ABCF2: variants seen among roughly 807,000 people sequenced by gnomAD.
ABCF2 encodes the protein ATP-binding cassette sub-family F member 2.
A neutral mutation model predicts 76.9 loss-of-function variants in ABCF2; 37 were observed. The observed-to-expected ratio is 0.48, with a 90% CI of 0.37 to 0.63. The LOEUF (loss-of-function observed/expected upper bound fraction) is 0.63, where lower values mean the gene tolerates loss of function less well. Ranked by LOEUF, ABCF2 falls within the 30% of genes least tolerant of loss-of-function variation. The pLI is 0.00. For synonymous variants in ABCF2, 299 were observed against 283.7 expected (o/e 1.05, Z -0.54); for missense variants, 524 against 782.1 (o/e 0.67, Z 3.94).
chr7:151,220,367 G>A (rs1387462169), intron 7 of ABCF2, among the ~76,000 whole-genome samples: 3 of 132,582 alleles, frequency 2.3e-5, no homozygotes, highest in Admixed American at 8.6e-5. Flanking sequence ...CCAGCCTGGC[G>A]ACGGAGCAAG....
chr7:151,226,439 T>C lies in ABCF2; in HGVS notation c.20A>G (p.Lys7Arg). The change falls in exon 2 of 15, where the codon AAG becomes AGG. Residue 7 changes from lysine to arginine, a missense_variant. Physicochemically the swap from Lys to Arg is conservative, Grantham distance 26. Around this residue, in one of 2 missense-constraint regions of ABCF2, gnomAD observed 330 missense variants for 433.6 expected, o/e 0.76. Transcript: ENST00000287844. MPSDLA[K>R]KKAAKKKEAA... ...CTCCTTCTTTTTGGCTGCCTTCTTCTTGGCCAGGTCGGAGGGCATGATGAT... is the reference window on the plus strand; with the variant it reads ...CTCCTTCTTTTTGGCTGCCTTCTTCCTGGCCAGGTCGGAGGGCATGATGAT... The C allele has an allele frequency of 1.2e-6, 2 of 1,614,144 alleles. No individual in the cohort carries two copies. The highest frequency in any genetic ancestry group is 1.3e-5 in the African/African-American group (1 of 75,048).
At chr7:151,216,534 C>A (rs995463997) in intron 11 of ABCF2, among the ~76,000 whole-genome samples, 6 of 152,162 alleles carry the variant, frequency 3.9e-5, no homozygotes, top group African/African-American at 1.2e-4. Flanking sequence ...TCCAAAGATT[C>A]TTTTCTTTAA....
chr7:151,213,133 CG>C lies in ABCF2; in HGVS notation c.*920del. ...ACCTCAGATCACAATCAGAAAACCACGCTCCTGGACAGTGGTTCTCAAAATA... is the reference window on the plus strand; with the variant it reads ...ACCTCAGATCACAATCAGAAAACCACCTCCTGGACAGTGGTTCTCAAAATA... On this transcript the variant is annotated 3_prime_UTR_variant, in exon 15 of 15. Transcript: ENST00000287844. 1.0e-6 allele frequency: 1 copy of C among 985,346 alleles called. No homozygotes were observed. Among genetic ancestry groups the C allele is most frequent in the Non-Finnish European group, 1.2e-6 (1 of 829,918 alleles). The allele number at this position is 985,346 out of a possible 1,614,324, so 61.0% of individuals were successfully genotyped here. A position where few individuals can be genotyped will look rare whatever the true frequency, so the allele number is the denominator to read the frequency against.
intron 3 of ABCF2, among the ~76,000 whole-genome samples, chr7:151,224,483 T>G (rs990080154): frequency 6.6e-6 from 1 of 152,186 alleles, no homozygotes; most frequent in South Asian, 2.1e-4. Context: ...TTAAAGGAAA[T>G]GCTCACTGGA....
In ABCF2 at chr7:151,217,347, C is replaced by G. The variant is rs774002320; in HGVS notation, c.1338+734G>C. Among the ~76,000 whole-genome samples the G allele has an allele frequency of 5.5e-4, 83 of 152,182 alleles. 1 individual carries two copies. Among genetic ancestry groups the G allele is most frequent in the Non-Finnish European group, 1.9e-4 (13 of 68,034 alleles). On this transcript the variant is annotated intron_variant, in intron 11 of 14. Coordinates refer to ENST00000287844, the MANE Select transcript of ABCF2 (RefSeq NM_007189.3). ...AGAAACTGAAGTACCAGAGAAAACCCATGTAGACGTTAAAGGGAAAGTGCA... is the reference window on the plus strand; with the variant it reads ...AGAAACTGAAGTACCAGAGAAAACCGATGTAGACGTTAAAGGGAAAGTGCA...
intron 7 of ABCF2, among the ~76,000 whole-genome samples, chr7:151,219,502 C>G (rs906000522): frequency 2.6e-5 from 4 of 152,130 alleles, no homozygotes; most frequent in Non-Finnish European, 5.9e-5. Context: ...ATTCCTTCCC[C>G]GTTCCCTAGA....
At position 151,224,981 on chromosome 7, in the gene ABCF2, A is replaced by T. The variant is rs766341601; in HGVS notation, c.162T>A (p.Asp54Glu). 4 of 1,614,014 alleles carry T rather than the reference A, an allele frequency of 2.5e-6. No homozygotes were observed. The highest frequency in any genetic ancestry group is 3.4e-6 in the Non-Finnish European group (4 of 1,180,026). ...AGTCCTCTAGCTCCTTGGTCAGCAA[A>T]TCTACTTCTGCGGATAGAAAAGCAG... ...EANGRETTEVDLLTKELEDFE... is the reference protein window; with the variant it reads ...EANGRETTEVELLTKELEDFE... Residue 54 changes from aspartate (D) to glutamate (E), a missense_variant, in exon 3 of 15, where the codon GAT (aspartate) becomes GAA (glutamate). Transcript: ENST00000287844.
At chr7:151,221,355 A>T (rs1802263567) in intron 7 of ABCF2, among the ~76,000 whole-genome samples, 1 of 151,970 alleles carries the variant, frequency 6.6e-6, no homozygotes. Flanking sequence ...ACCTGCCACC[A>T]CGCCTGGCTA....
chr7:151,224,914 G>A lies in ABCF2; in HGVS notation c.229C>T (p.Leu77=), dbSNP rs745769650. The change falls in exon 3 of 15, where the codon CTG becomes TTG. Residue 77 remains leucine, a synonymous_variant. Transcript: ENST00000287844. ...TCAGTACTGTTGGGGTGAGAGGCCA[G>A]GACGCCAGTGACAGCTCGAGCAGCA... The part of the protein sequence containing the change: ...KAAARAVTGV[L]ASHPNSTDVH... The A allele has an allele frequency of 6.2e-7, 1 of 1,614,218 alleles. No individual in the cohort carries two copies. Among genetic ancestry groups the A allele is most frequent in the East Asian group, 2.2e-5 (1 of 44,892 alleles).
chr7:151,218,894 C>T (rs1802207680), intron 8 of ABCF2, 21 bp from the exon 9 acceptor site: 1 of 1,612,754 alleles, frequency 6.2e-7, no homozygotes, highest in African/African-American at 1.3e-5. Context: ...CCAAAGAGAG[C>T]TTGGAGTATG....
In ABCF2 at chr7:151,218,660, AAAG is replaced by A; in HGVS notation, c.1138-13_1138-11del. The stretch of plus-strand genomic sequence containing the variant: ...AATAAAATGACAGTGTCTAGGAAGA[AAAG>A]AGGGCATTTATCAAGTTGGCTCCTT... On this transcript the variant is annotated splice_polypyrimidine_tract_variant and intron_variant, in intron 9 of 14. Coordinates refer to ENST00000287844, the MANE Select transcript of ABCF2 (RefSeq NM_007189.3). 3 of 1,614,036 alleles carry A rather than the reference AAAG, an allele frequency of 1.9e-6. No homozygotes were observed. The highest frequency in any genetic ancestry group is 2.5e-6 in the Non-Finnish European group (3 of 1,179,960).
rs557448504 is a variant in ABCF2, at chr7:151,213,277, G to T, written c.*777C>A. On this transcript the variant is annotated 3_prime_UTR_variant, in exon 15 of 15. Coordinates refer to ENST00000287844, the MANE Select transcript of ABCF2 (RefSeq NM_007189.3). ...TGAGGCGAGATCTGGCAATCTGATT[G>T]CATGAGCCCTCCAGGTGATTCTGAT... 2.0e-6 allele frequency: 2 copies of T among 976,732 alleles called. No homozygotes were observed. The highest frequency in any genetic ancestry group is 1.7e-5 in the African/African-American group (1 of 57,144). The allele number at this position is 976,732 out of a possible 1,614,324, so 60.5% of individuals were successfully genotyped here.
At chr7:151,225,886 G>GA (rs1227209631) in intron 2 of ABCF2, among the ~76,000 whole-genome samples, 2 of 152,130 alleles carry the variant, frequency 1.3e-5, no homozygotes, top group Non-Finnish European at 2.9e-5. Context: ...TCTCTCCCAG[G>GA]AAAAACCCCA....
At position 151,212,175 on chromosome 7, in the gene ABCF2, A is replaced by G. The variant is rs1802059278; in HGVS notation, c.*1879T>C. 3.7e-5 allele frequency: 36 copies of G among 985,442 alleles called. No individual in the cohort carries two copies. Among genetic ancestry groups the G allele is most frequent in the Non-Finnish European group, 4.2e-5 (35 of 829,920 alleles). The allele number at this position is 985,442 out of a possible 1,614,324, so 61.0% of individuals were successfully genotyped here. A position where few individuals can be genotyped will look rare whatever the true frequency, so the allele number is the denominator to read the frequency against. ...CGCCAGTCCTGGCTGTATTATGAGT[A>G]CTGAAAAATCATGGCTGTGTCTTCC... On this transcript the variant is annotated 3_prime_UTR_variant, in exon 15 of 15. Transcript: ENST00000287844.
chr7:151,214,938 T>C lies in ABCF2; in HGVS notation c.1675A>G (p.Ile559Val), dbSNP rs774823303. Residue 559 changes from isoleucine (I) to valine (V), a missense_variant, in exon 14 of 15, where the codon ATC becomes GTC. Physicochemically the swap from Ile to Val is conservative, Grantham distance 29. This residue lies in a region of ABCF2 where 194 missense variants were observed against 348.6 expected (regional missense o/e 0.56). Transcript: ENST00000287844. This position sits in a 1 kb window ranked among gnomAD's most constrained non-coding sequence, Gnocchi z 4.9. Reference sequence around the variant, plus strand: ...ATCATACCACCCTCAAACTCATTGATGGCATCTGCCAGGGCGTCGATGGTC... The same window carrying C: ...ATCATACCACCCTCAAACTCATTGACGGCATCTGCCAGGGCGTCGATGGTC... The part of the protein sequence containing the change: ...IETIDALADA[I>V]NEFEGGMMLV... 2 of 1,614,112 alleles carry C rather than the reference T, an allele frequency of 1.2e-6. No homozygotes were observed. Among genetic ancestry groups the C allele is most frequent in the African/African-American group, 1.3e-5 (1 of 74,928 alleles).
chr7:151,222,401 C>T (rs1802286794), intron 6 of ABCF2, 120 bp downstream of exon 6: 1 of 748,042 alleles, frequency 1.3e-6, no homozygotes, highest in Non-Finnish European at 2.2e-6. Context: ...AGAAAGTGAA[C>T]TCTGTCCTTC....
intron 6 of ABCF2, 45 bp from the exon 7 acceptor site, chr7:151,221,725 G>T: frequency 7.1e-7 from 1 of 1,406,688 alleles, no homozygotes; most frequent in Non-Finnish European, 1.0e-6. Context: ...AACCATGGGA[G>T]CTAGCTGACA....
intron 6 of ABCF2, among the ~76,000 whole-genome samples, chr7:151,222,301 A>G (rs1381556770): frequency 6.6e-6 from 1 of 152,008 alleles, no homozygotes; most frequent in Non-Finnish European, 1.5e-5. Flanking sequence ...TTTTTTTAAA[A>G]AAAAAAGCTC....
rs895748928 is a variant in ABCF2 at position 151,212,227 on chromosome 7, G to A, written c.*1827C>T. 18 of 985,340 alleles carry A rather than the reference G, an allele frequency of 1.8e-5. No homozygotes were observed. The African/African-American group carries it at 3.0e-4, about 16-fold the overall frequency. The allele number at this position is 985,340 out of a possible 1,614,324, so 61.0% of individuals were successfully genotyped here. A position where few individuals can be genotyped will look rare whatever the true frequency, so the allele number is the denominator to read the frequency against. ...ATAGGGATGGCTGATTTCAGAGGCAGAGTGATGAATCCACACCAGGAAGGA... is the reference window on the plus strand; with the variant it reads ...ATAGGGATGGCTGATTTCAGAGGCAAAGTGATGAATCCACACCAGGAAGGA... On this transcript the variant is annotated 3_prime_UTR_variant, in exon 15 of 15. Coordinates refer to ENST00000287844, the MANE Select transcript of ABCF2 (RefSeq NM_007189.3).
Sources: allele counts gnomAD v4.1 joint callset (sites outside exome capture counted in the v4.1 genomes callset), GRCh38; gene constraint gnomAD v4.1.1; regional missense constraint gnomAD v4.1.1; non-coding constraint Gnocchi (gnomAD v3.1); transcripts MANE v1.5; gene names NCBI Gene and HGNC (gene_info 2026-07-23, HGNC 2026-07-21).